The following ARHGAP24 variants were observed in gnomAD, a reference collection of about 807,000 sequenced individuals.
The protein encoded by ARHGAP24 is rho GTPase-activating protein 24.
ARHGAP24 carries 50 observed loss-of-function variants against 76.4 expected under a neutral mutation model. The ratio of observed to expected loss-of-function variants is 0.65; its 90% CI spans 0.52 to 0.83. ARHGAP24 has a LOEUF of 0.83. Ranked by LOEUF, ARHGAP24 falls within the 40% of genes least tolerant of loss-of-function variation. ARHGAP24 has a pLI of 0.00. For synonymous variants in ARHGAP24, 345 were observed against 323.3 expected, an observed-to-expected ratio of 1.07 and a Z score of -0.72; for missense variants, 930 against 914.2, an observed-to-expected ratio of 1.02 and a Z score of -0.22.
At chr4:85,934,399 A>G in intron 4 of ARHGAP24, among the ~76,000 whole-genome samples, 1 of 152,032 alleles carries the variant, frequency 6.6e-6, no homozygotes, top group South Asian at 2.1e-4. Flanking sequence ...TCCATTGTCT[A>G]TCTCAACTTT....
rs563831382 is a variant in ARHGAP24 at position 85,525,254 on chromosome 4, C to T, written c.-20-45268C>T. Among the ~76,000 whole-genome samples the T allele has an allele frequency of 5.4e-5, 7 of 130,464 alleles. No homozygotes were observed. The East Asian group carries it at 8.0e-4, about 15-fold the overall frequency. 85.6% of individuals were successfully genotyped at this position (130,464 alleles called of 152,430 possible). A position where few individuals can be genotyped will look rare whatever the true frequency, so the allele number is the denominator to read the frequency against. On this transcript the variant is annotated intron_variant, in intron 1 of 9. Coordinates refer to ENST00000395184, the MANE Select transcript of ARHGAP24 (RefSeq NM_001025616.3). ...CATATGCCATGTGCTTATGTATTATCGGCTTTTTTTTTTTTTTTTTACCGT... is the reference window on the plus strand; with the variant it reads ...CATATGCCATGTGCTTATGTATTATTGGCTTTTTTTTTTTTTTTTTACCGT...
intron 5 of ARHGAP24, among the ~76,000 whole-genome samples, chr4:85,956,648 G>A (rs1737916786): frequency 6.6e-6 from 1 of 152,298 alleles, no homozygotes; most frequent in Admixed American, 6.5e-5. Flanking sequence ...GGAACCCAGT[G>A]ACTAGTGTTC....
At chr4:85,502,320 G>A (rs1400627725) in intron 1 of ARHGAP24, among the ~76,000 whole-genome samples, 2 of 152,208 alleles carry the variant, frequency 1.3e-5, no homozygotes, top group African/African-American at 2.4e-5. Flanking sequence ...GGGCAGTATG[G>A]CCATTTTCAT....
chr4:85,725,649 G>T (rs1220206975), intron 3 of ARHGAP24, among the ~76,000 whole-genome samples: 1 of 152,172 alleles, frequency 6.6e-6, no homozygotes, highest in African/African-American at 2.4e-5. Context: ...TGCATTTGTG[G>T]ATTTTTCAGG....
At chr4:85,578,057 G>C (rs1578050438) in intron 2 of ARHGAP24, among the ~76,000 whole-genome samples, 2 of 152,134 alleles carry the variant, frequency 1.3e-5, no homozygotes, top group South Asian at 2.1e-4. Context: ...CATTTTTCTT[G>C]GTTTATTAGA....
intron 1 of ARHGAP24, among the ~76,000 whole-genome samples, chr4:85,548,869 A>G (rs1384127129): frequency 1.3e-5 from 2 of 152,130 alleles, no homozygotes; most frequent in African/African-American, 4.8e-5. Context: ...TTCTATCACT[A>G]TAGGCTAGTT....
At chr4:85,684,539 T>C (rs1465107266) in intron 2 of ARHGAP24, among the ~76,000 whole-genome samples, 1 of 152,232 alleles carries the variant, frequency 6.6e-6, no homozygotes, top group Non-Finnish European at 1.5e-5. Context: ...CTGTAGAAGA[T>C]TGAGAATTAT....
intron 2 of ARHGAP24, among the ~76,000 whole-genome samples, chr4:85,714,418 GATA>G (rs1724658193): frequency 6.6e-6 from 1 of 152,002 alleles, no homozygotes. Context: ...AGCCCAGAAT[GATA>G]ATGCTTCTCA....
chr4:85,564,382 G>T (rs542583099), intron 1 of ARHGAP24, among the ~76,000 whole-genome samples: 2 of 148,772 alleles, frequency 1.3e-5, no homozygotes, highest in Admixed American at 1.3e-4. Flanking sequence ...ATCACACACC[G>T]GGGCCTGTTG....
At chr4:85,916,711 A>T (rs918676204) in intron 3 of ARHGAP24, among the ~76,000 whole-genome samples, 1 of 152,180 alleles carries the variant, frequency 6.6e-6, no homozygotes, top group African/African-American at 2.4e-5. Flanking sequence ...ACAGCATCTG[A>T]GTATTCACTG....
intron 1 of ARHGAP24, among the ~76,000 whole-genome samples, chr4:85,557,545 T>G (rs763865852): frequency 6.6e-6 from 1 of 152,170 alleles, no homozygotes; most frequent in Non-Finnish European, 1.5e-5. Context: ...TCTGGGCCAC[T>G]CCAGGTGGGC....
intron 3 of ARHGAP24, among the ~76,000 whole-genome samples, chr4:85,830,709 C>T (rs1039193917): frequency 2.0e-5 from 3 of 152,156 alleles, no homozygotes; most frequent in East Asian, 1.9e-4. Flanking sequence ...AATTAGGCCT[C>T]GGTTTTTTGG....
At position 85,772,979 on chromosome 4, in the gene ARHGAP24, C is replaced by G. The variant is rs1439894592; in HGVS notation, c.268+51007C>G. Among the ~76,000 whole-genome samples the G allele has an allele frequency of 2.0e-5, 3 of 152,260 alleles. No individual in the cohort carries two copies. The East Asian group carries it at 5.8e-4, about 29-fold the overall frequency. Reference sequence around the variant, plus strand: ...TGTGATTTCAAATTGTGCGATCAGTCTTTTCAGTTATATGCCTCAGTTTCC... The same window carrying G: ...TGTGATTTCAAATTGTGCGATCAGTGTTTTCAGTTATATGCCTCAGTTTCC... On this transcript the variant is annotated intron_variant, in intron 3 of 9. Transcript: ENST00000395184.
At chr4:85,990,605 A>T (rs1740265308) in intron 8 of ARHGAP24, 1 of 152,054 alleles carries the variant, frequency 6.6e-6, no homozygotes, top group East Asian at 1.9e-4. Flanking sequence ...GAAATAGAAC[A>T]GATAGTCCAG....
At chr4:85,825,843 C>A (rs965688319) in intron 3 of ARHGAP24, among the ~76,000 whole-genome samples, 2 of 152,164 alleles carry the variant, frequency 1.3e-5, no homozygotes, top group South Asian at 2.1e-4. Flanking sequence ...TATATAAAAA[C>A]CACACTTTAT....
intron 3 of ARHGAP24, among the ~76,000 whole-genome samples, chr4:85,877,005 A>G (rs1260069961): frequency 6.6e-6 from 1 of 152,134 alleles, no homozygotes; most frequent in Non-Finnish European, 1.5e-5. Context: ...AAACTACTAC[A>G]TTATCATTAG....
At chr4:85,491,738 T>C (rs1386546410) in intron 1 of ARHGAP24, among the ~76,000 whole-genome samples, 1 of 152,166 alleles carries the variant, frequency 6.6e-6, no homozygotes, top group Non-Finnish European at 1.5e-5. Context: ...CCAAGTGTCT[T>C]GTGATGAGAA....
chr4:85,894,478 T>C (rs1355502128), intron 3 of ARHGAP24, among the ~76,000 whole-genome samples: 1 of 152,232 alleles, frequency 6.6e-6, no homozygotes, highest in Non-Finnish European at 1.5e-5. Context: ...TCTGTTGCTC[T>C]TGTTCTTTGA....
intron 1 of ARHGAP24, among the ~76,000 whole-genome samples, chr4:85,514,694 C>T (rs1724416543): frequency 6.6e-6 from 1 of 151,622 alleles, no homozygotes; most frequent in South Asian, 2.1e-4. Flanking sequence ...CAAGAAAGCC[C>T]TTGATGAAGC....
Sources: gnomAD v4.1 joint callset for allele counts (sites outside exome capture counted in the v4.1 genomes callset) on GRCh38, gnomAD v4.1.1 for gene constraint, MANE v1.5 for transcripts, NCBI Gene and HGNC (gene_info 2026-07-23, HGNC 2026-07-21) for gene names.